Variants in GRM5 observed in about 807,000 individuals in gnomAD.
GRM5 encodes the protein glutamate metabotropic receptor 5.
In GRM5, 19 loss-of-function variants were observed where a neutral mutation model predicts 83.1. The observed-to-expected ratio is 0.23, with a 90% CI of 0.16 to 0.34. The LOEUF (loss-of-function observed/expected upper bound fraction) is 0.34. GRM5 is among the 10% of genes least tolerant of loss of function. The pLI is 1.00. For synonymous variants in GRM5, 675 were observed against 633.6 expected (o/e 1.07, Z -0.98); for missense variants, 1,160 against 1,588.3 (o/e 0.73, Z 4.58).
intron 3 of GRM5, among the ~76,000 whole-genome samples, chr11:88,817,834 G>A (rs569312659): frequency 3.9e-5 from 6 of 152,018 alleles, no homozygotes; most frequent in Non-Finnish European, 7.4e-5. Flanking sequence ...AAGTAACTTG[G>A]CTGAGATCTC....
At chr11:88,750,071 A>C (rs1335140409) in intron 3 of GRM5, among the ~76,000 whole-genome samples, 2 of 152,170 alleles carry the variant, frequency 1.3e-5, no homozygotes, top group African/African-American at 4.8e-5. Context: ...TGATAGAATC[A>C]AATTCACATA....
intron 2 of GRM5, among the ~76,000 whole-genome samples, chr11:89,018,239 G>A (rs554725777): frequency 6.6e-6 from 1 of 152,228 alleles, no homozygotes; most frequent in East Asian, 1.9e-4. Flanking sequence ...CCAAATAGTT[G>A]TGCTTAACAC....
intron 2 of GRM5, among the ~76,000 whole-genome samples, chr11:88,884,575 C>T (rs1002183170): frequency 1.4e-4 from 22 of 152,160 alleles, no homozygotes; most frequent in East Asian, 9.7e-4. Context: ...GGACATGAGA[C>T]TTGGGAGGGG....
At position 88,814,212 on chromosome 11, in the gene GRM5, T is replaced by C. The variant is rs113357275; in HGVS notation, c.911+35694A>G. On this transcript the variant is annotated intron_variant, in intron 3 of 9. Coordinates refer to ENST00000305447, the MANE Select transcript of GRM5 (RefSeq NM_001143831.3). The stretch of plus-strand genomic sequence containing the variant: ...CCTGAGAAATGAGAAACAAACAAGA[T>C]GAACCCTACAATTGCCCTAGCCCAT... 2.9e-3 allele frequency among the ~76,000 whole-genome samples: 437 copies of C among 152,288 alleles called. 2 individuals carry two copies. Among genetic ancestry groups the C allele is most frequent in the African/African-American group, 0.01 (422 of 41,572 alleles).
Position 88,507,965 on chromosome 11 carries a change from C to G in GRM5, c.*627G>C, listed in dbSNP as rs781319056. The G allele has an allele frequency of 2.0e-5, 3 of 152,454 alleles. No homozygotes were observed. The highest frequency in any genetic ancestry group is 4.4e-5 in the Non-Finnish European group (3 of 68,038). 9.4% of individuals were successfully genotyped at this position (152,454 alleles called of 1,614,324 possible). A position where few individuals can be genotyped will look rare whatever the true frequency, so the allele number is the denominator to read the frequency against. On this transcript the variant is annotated 3_prime_UTR_variant, in exon 10 of 10. Transcript: ENST00000305447. Reference sequence around the variant, plus strand: ...AGGAAAATCTCTGGTAGAAGCCCTACGTAGTACATTAGCGCAGCACTCACT... The same window carrying G: ...AGGAAAATCTCTGGTAGAAGCCCTAGGTAGTACATTAGCGCAGCACTCACT...
chr11:88,580,373 A>G (rs1246234780), intron 7 of GRM5, among the ~76,000 whole-genome samples: 1 of 152,206 alleles, frequency 6.6e-6, no homozygotes, highest in African/African-American at 2.4e-5. Flanking sequence ...TAGACAGAAA[A>G]GAGGATCAAC....
intron 3 of GRM5, among the ~76,000 whole-genome samples, chr11:88,819,813 C>A (rs1424045935): frequency 6.6e-6 from 1 of 152,224 alleles, no homozygotes; most frequent in South Asian, 2.1e-4. Context: ...CCATATCTGG[C>A]AAGCACTTTC....
Position 88,533,862 on chromosome 11 carries a change from C to T in GRM5, c.2631-8458G>A, listed in dbSNP as rs146999728. Among the ~76,000 whole-genome samples, 47 of 152,184 alleles carry T rather than the reference C, an allele frequency of 3.1e-4. No homozygotes were observed. In the East Asian group the frequency reaches 4.6e-3, roughly 15 times the overall value. ...AAAAGTGGTTTCGTGGGCCAGGCCTCGGGTCCCTGAGCTGTGTGCAGCCAG... is the reference window on the plus strand; with the variant it reads ...AAAAGTGGTTTCGTGGGCCAGGCCTTGGGTCCCTGAGCTGTGTGCAGCCAG... On this transcript the variant is annotated intron_variant, in intron 8 of 9. Coordinates refer to ENST00000305447, the MANE Select transcript of GRM5 (RefSeq NM_001143831.3).
intron 7 of GRM5, among the ~76,000 whole-genome samples, chr11:88,574,592 C>T (rs140033723): frequency 3.5e-4 from 54 of 152,236 alleles, no homozygotes; most frequent in African/African-American, 1.2e-3. Context: ...TATGGTGAAA[C>T]TCCATCTCTA....
In GRM5 at chr11:88,842,348, G is replaced by T. The variant is rs1944218841; in HGVS notation, c.911+7558C>A. ...GTTCAAACTCATGTTGTTCAAGGGT[G>T]AACTGTAGATTTCATTCTTCATTCC... On this transcript the variant is annotated intron_variant, in intron 3 of 9. Coordinates refer to ENST00000305447, the MANE Select transcript of GRM5 (RefSeq NM_001143831.3). Among the ~76,000 whole-genome samples, 5 of 152,152 alleles carry T rather than the reference G, an allele frequency of 3.3e-5. No homozygotes were observed. The South Asian group carries it at 1.0e-3, about 32-fold the overall frequency.
chr11:88,805,500 T>A (rs1024414756), intron 3 of GRM5, among the ~76,000 whole-genome samples: 1 of 151,446 alleles, frequency 6.6e-6, no homozygotes, highest in African/African-American at 2.4e-5. Context: ...CGTATACTTA[T>A]TAAAAACAGA....
intron 4 of GRM5, among the ~76,000 whole-genome samples, chr11:88,628,359 G>A (rs1938864617): frequency 6.6e-6 from 1 of 152,156 alleles, no homozygotes; most frequent in Non-Finnish European, 1.5e-5. Flanking sequence ...CTTGCTTAAT[G>A]GATGTAAGAA....
chr11:89,034,075 A>G (rs912691625), intron 2 of GRM5, among the ~76,000 whole-genome samples: 1 of 151,708 alleles, frequency 6.6e-6, no homozygotes, highest in African/African-American at 2.4e-5. Context: ...TCCTAAAAAT[A>G]AATTGTTTCA....
chr11:88,764,775 CTAACTT>C (rs1457584193), intron 3 of GRM5, among the ~76,000 whole-genome samples: 1 of 151,238 alleles, frequency 6.6e-6, no homozygotes, highest in African/African-American at 2.4e-5. Context: ...AATCAGCAAC[CTAACTT>C]TAAGATACTA....
In GRM5 at chr11:88,669,166, A is replaced by G. The variant is rs1940129268; in HGVS notation, c.912-15763T>C. On this transcript the variant is annotated intron_variant, in intron 3 of 9. Transcript: ENST00000305447. ...ATGTTCACTAGTGGATGAATGGATA[A>G]AGAAAATGTGGTATATACATATATA... is the stretch of plus-strand genomic sequence containing the variant. 3.3e-5 allele frequency among the ~76,000 whole-genome samples: 5 copies of G among 152,270 alleles called. 1 individual carries two copies. The South Asian group carries it at 1.0e-3, about 32-fold the overall frequency.
chr11:88,579,344 G>T (rs1375893368), intron 7 of GRM5, among the ~76,000 whole-genome samples: 1 of 152,046 alleles, frequency 6.6e-6, no homozygotes, highest in Non-Finnish European at 1.5e-5. Context: ...ATATACAAAA[G>T]TTACTGTATT....
chr11:88,692,302 G>A (rs1473541660), intron 3 of GRM5, among the ~76,000 whole-genome samples: 1 of 152,148 alleles, frequency 6.6e-6, no homozygotes. Context: ...TCTGTCTTTA[G>A]CAATTCCTAT....
chr11:89,019,377 G>T (rs999879194), intron 2 of GRM5, among the ~76,000 whole-genome samples: 8 of 151,936 alleles, frequency 5.3e-5, no homozygotes, highest in Non-Finnish European at 8.8e-5. Context: ...TCTAGGCTTT[G>T]TATAGAAAAA....
At chr11:88,827,445 T>C (rs1184410352) in intron 3 of GRM5, among the ~76,000 whole-genome samples, 2 of 152,262 alleles carry the variant, frequency 1.3e-5, no homozygotes, top group Non-Finnish European at 2.9e-5. Context: ...TACAAATATG[T>C]TATGCTCTTC....
Sources: allele counts gnomAD v4.1 joint callset (sites outside exome capture counted in the v4.1 genomes callset), GRCh38; gene constraint gnomAD v4.1.1; transcripts MANE v1.5; gene names NCBI Gene and HGNC (gene_info 2026-07-23, HGNC 2026-07-21).